MGAT5: variants seen among roughly 807,000 people sequenced by gnomAD.
The protein encoded by MGAT5 is alpha-1,6-mannosylglycoprotein 6-beta-N-acetylglucosaminyltransferase, also known as alpha-1,6-mannosylglycoprotein 6-beta-N-acetylglucosaminyltransferase A.
Under a neutral mutation model 94.3 loss-of-function variants are expected in MGAT5, and 30 were observed. The ratio of observed to expected loss-of-function variants is 0.32; its 90% confidence interval spans 0.24 to 0.43. The LOEUF (loss-of-function observed/expected upper bound fraction) is 0.43. Among genes scored for constraint, MGAT5 ranks in the 20% least tolerant of loss-of-function variants. The pLI, the probability that MGAT5 is intolerant of heterozygous loss-of-function variation, is 1.00. For missense variants in MGAT5, 691 were observed against 905.5 expected, an observed-to-expected ratio of 0.76 and a Z score of 3.04; for synonymous variants, 310 against 322.9, an observed-to-expected ratio of 0.96 and a Z score of 0.43.
At chr2:134,163,947 C>G (rs1687853552) in intron 1 of MGAT5, among the ~76,000 whole-genome samples, 1 of 152,216 alleles carries the variant, frequency 6.6e-6, no homozygotes, top group East Asian at 1.9e-4. Context: ...GTTTTAGTGG[C>G]TGAATGCACA....
intron 1 of MGAT5, among the ~76,000 whole-genome samples, chr2:134,226,802 G>A (rs1681088324): frequency 6.6e-6 from 1 of 152,110 alleles, no homozygotes; most frequent in Non-Finnish European, 1.5e-5. Context: ...TGGGGTTTAT[G>A]GTTCTTTAGT....
chr2:134,245,305 A>G (rs1262633547), intron 1 of MGAT5, among the ~76,000 whole-genome samples: 2 of 152,180 alleles, frequency 1.3e-5, no homozygotes, highest in African/African-American at 2.4e-5. Context: ...CACAGCGCCC[A>G]GCCCCTCAGA....
At chr2:134,127,106 C>T (rs1685875805) in intron 1 of MGAT5, 1 of 154,682 alleles carries the variant, frequency 6.5e-6, no homozygotes. Context: ...TTTTTTAGAG[C>T]ACCTAGTTAG....
At chr2:134,394,108 T>C (rs1235551100) in intron 10 of MGAT5, among the ~76,000 whole-genome samples, 1 of 152,166 alleles carries the variant, frequency 6.6e-6, no homozygotes, top group Non-Finnish European at 1.5e-5. Flanking sequence ...TCTCCACTCA[T>C]CCCACCTCCC....
At chr2:134,350,003 G>T in intron 9 of MGAT5, 65 bp downstream of exon 9, 2 of 1,576,544 alleles carry the variant, frequency 1.3e-6, no homozygotes, top group Non-Finnish European at 8.7e-7. Context: ...AAAATTAGCC[G>T]CCATCTATTT....
At chr2:134,130,411 T>C (rs929608342) in intron 1 of MGAT5, among the ~76,000 whole-genome samples, 2 of 152,182 alleles carry the variant, frequency 1.3e-5, no homozygotes, top group South Asian at 2.1e-4. Context: ...GGGCGTGGGA[T>C]TGGTGGGCAG....
chr2:134,258,039 C>G (rs1023955722), intron 1 of MGAT5, among the ~76,000 whole-genome samples: 4 of 151,882 alleles, frequency 2.6e-5, no homozygotes, highest in Non-Finnish European at 5.9e-5. Context: ...AATGGGTATA[C>G]AGTAGGTATT....
chr2:134,357,999 T>TA, intron 9 of MGAT5, among the ~76,000 whole-genome samples: 1 of 152,196 alleles, frequency 6.6e-6, no homozygotes. Context: ...CCGTCGGTTT[T>TA]ATCAGGATCA....
intron 12 of MGAT5, among the ~76,000 whole-genome samples, 191 bp downstream of exon 12, chr2:134,413,206 C>T (rs1008646234): frequency 1.3e-5 from 2 of 152,144 alleles, no homozygotes; most frequent in African/African-American, 2.4e-5. Context: ...CTTCTGCCTT[C>T]ACCAAGTAAG....
intron 1 of MGAT5, among the ~76,000 whole-genome samples, chr2:134,154,974 G>A (rs1486487311): frequency 6.6e-6 from 1 of 152,148 alleles, no homozygotes; most frequent in African/African-American, 2.4e-5. Context: ...TTTCATCAAT[G>A]CTAACTCTTA....
At chr2:134,201,417 C>G (rs1415222968) in intron 1 of MGAT5, among the ~76,000 whole-genome samples, 2 of 152,018 alleles carry the variant, frequency 1.3e-5, no homozygotes, top group Non-Finnish European at 1.5e-5. Flanking sequence ...ATTTAAAAAG[C>G]CTTTTTCTTT....
At chr2:134,143,719 TAGA>T (rs1686767860) in intron 1 of MGAT5, among the ~76,000 whole-genome samples, 1 of 152,184 alleles carries the variant, frequency 6.6e-6, no homozygotes, top group Non-Finnish European at 1.5e-5. Flanking sequence ...GTTACTGTGT[TAGA>T]AGACCTGTGG....
chr2:134,408,868 A>G (rs1683489073), intron 11 of MGAT5, among the ~76,000 whole-genome samples: 1 of 152,214 alleles, frequency 6.6e-6, no homozygotes, highest in Non-Finnish European at 1.5e-5. Context: ...ACATTAATAT[A>G]ATGATTCCCA....
chr2:134,202,100 C>T (rs574388516), intron 1 of MGAT5, among the ~76,000 whole-genome samples: 1 of 152,234 alleles, frequency 6.6e-6, no homozygotes, highest in East Asian at 1.9e-4. Flanking sequence ...TCTATGACAT[C>T]CTCTCTTCTT....
At position 134,140,682 on chromosome 2, in the gene MGAT5, G is replaced by C. The variant is rs138246010; in HGVS notation, c.-143+20391G>C. Among the ~76,000 whole-genome samples, 7 of 152,308 alleles carry C rather than the reference G, an allele frequency of 4.6e-5. No homozygotes were observed. In the East Asian group the frequency reaches 1.3e-3, roughly 29 times the overall value. The stretch of plus-strand genomic sequence containing the variant: ...CAGTCCCATTGCTCCAATAATCGGA[G>C]AATAGCTAACTTGTACCAGGCAGTG... On this transcript the variant is annotated intron_variant, in intron 1 of 16. Transcript: ENST00000409645.
At chr2:134,327,992 G>C (rs1262987181) in intron 4 of MGAT5, among the ~76,000 whole-genome samples, 1 of 152,154 alleles carries the variant, frequency 6.6e-6, no homozygotes, top group East Asian at 1.9e-4. Context: ...CCAGCATCCA[G>C]TGGGAGCTGT....
At chr2:134,120,208 G>T (rs1471085411) in exon 1 of MGAT5, 3 of 310,844 alleles carry the variant, frequency 9.7e-6, no homozygotes, top group Middle Eastern at 9.0e-4. Flanking sequence ...CCGCAGGCTC[G>T]GGGCGTCGCG....
intron 1 of MGAT5, among the ~76,000 whole-genome samples, chr2:134,168,178 C>T (rs563980490): frequency 2.6e-4 from 39 of 152,296 alleles, no homozygotes; most frequent in African/African-American, 9.1e-4. Context: ...CGCACTGACC[C>T]TGGTGCCACA....
intron 1 of MGAT5, among the ~76,000 whole-genome samples, chr2:134,260,967 C>G (rs1032307246): frequency 6.6e-6 from 1 of 152,058 alleles, no homozygotes; most frequent in Non-Finnish European, 1.5e-5. Context: ...TGGGACTTTT[C>G]CAGCCATCCT....
Sources: gnomAD v4.1 joint callset for allele counts (sites outside exome capture counted in the v4.1 genomes callset) on GRCh38, gnomAD v4.1.1 for gene constraint, MANE v1.5 for transcripts, NCBI Gene and HGNC (gene_info 2026-07-23, HGNC 2026-07-21) for gene names.